Variants in ANXA7 observed in about 807,000 individuals in gnomAD.
ANXA7 encodes annexin A7, also known as annexin VII.
ANXA7 carries 55 observed loss-of-function variants against 64.9 expected under a neutral mutation model. The ratio of observed to expected loss-of-function variants is 0.85; its 90% CI spans 0.68 to 1.06. ANXA7 has a LOEUF of 1.06. ANXA7 is among the 50% of genes least tolerant of loss of function. The probability of loss-of-function intolerance (pLI) is 0.00; values close to 1 mark genes in which losing one functional copy is unlikely to be tolerated. For missense variants in ANXA7, 548 were observed against 582.1 expected (o/e 0.94, Z 0.60); for synonymous variants, 200 against 192.4 (o/e 1.04, Z -0.33).
At chr10:73,384,053 A>G (rs2055318895) in intron 7 of ANXA7, among the ~76,000 whole-genome samples, 1 of 151,962 alleles carries the variant, frequency 6.6e-6, no homozygotes, top group South Asian at 2.1e-4. Context: ...CCTGGGAGGC[A>G]GAGCTTGCAG....
In ANXA7 at chr10:73,378,919, G is replaced by C. The variant is rs762558430; in HGVS notation, c.1270C>G (p.Arg424Gly). The change falls in exon 12 of 13, where the codon CGA becomes GGA. Residue 424 changes from arginine to glycine, a missense_variant. Physicochemically the swap from Arg to Gly is moderately radical, Grantham distance 125. Transcript: ENST00000372921. ...AGAGAGGCCTGCCTCACCTCACTTC[G>C]AGTGACCACAATCCGGACCAGGGTG... ...DSTLVRIVVTRSEIDLVQIKQ... is the reference protein window; with the variant it reads ...DSTLVRIVVTGSEIDLVQIKQ... The C allele has an allele frequency of 1.2e-6, 2 of 1,612,200 alleles. No homozygotes were observed. Among genetic ancestry groups the C allele is most frequent in the East Asian group, 2.2e-5 (1 of 44,816 alleles).
In ANXA7 at chr10:73,383,117, A is replaced by G. The variant is rs1330875290; in HGVS notation, c.918+58T>C. 3 of 1,479,608 alleles carry G rather than the reference A, an allele frequency of 2.0e-6. No individual in the cohort carries two copies. The East Asian group carries it at 7.0e-5, about 34-fold the overall frequency. The allele number at this position is 1,479,608 out of a possible 1,614,324, so 91.7% of individuals were successfully genotyped here. On this transcript the variant is annotated intron_variant, in intron 9 of 12. Transcript: ENST00000372921. ...AAAGGAATAAAGAATGCTCACTGGC[A>G]AAAGGCTTTTAAAGTATGTTCCCTC...
At chr10:73,389,408 C>T (rs2055430934) in intron 5 of ANXA7, among the ~76,000 whole-genome samples, 1 of 152,098 alleles carries the variant, frequency 6.6e-6, no homozygotes, top group Non-Finnish European at 1.5e-5. Context: ...ACTGGTGAAA[C>T]TGAAATAAGG....
rs778139210 is a variant in ANXA7 at position 73,379,921 on chromosome 10, G to A, written c.1123C>T (p.Arg375Cys). The change falls in exon 11 of 13, where the codon CGT (arginine) becomes TGT (cysteine). Residue 375 changes from arginine (R) to cysteine (C), a missense_variant. By Grantham distance (180) the Arg-to-Cys change is radical. Coordinates refer to ENST00000372921, the MANE Select transcript of ANXA7 (RefSeq NM_001156.5). The part of the protein sequence containing the change: ...ANRDLLSSVS[R>C]EFSGYVESGL... ...CTTTCTACATATCCGGAAAACTCAC[G>A]GCTCACACTGCTTAACAAGTCTCGA... is the stretch of plus-strand genomic sequence containing the variant. The A allele has an allele frequency of 2.2e-5, 36 of 1,613,958 alleles. No homozygotes were observed. The highest frequency in any genetic ancestry group is 4.4e-5 in the South Asian group (4 of 91,082).
chr10:73,383,479 G>T (rs969923379), intron 8 of ANXA7, 98 bp downstream of exon 8: 12 of 1,249,168 alleles, frequency 9.6e-6, no homozygotes, highest in Non-Finnish European at 1.4e-5. Flanking sequence ...ATAAAGAATT[G>T]CTTTAATTAC....
At chr10:73,392,843 T>G (rs962362847) in intron 5 of ANXA7, among the ~76,000 whole-genome samples, 21 of 152,154 alleles carry the variant, frequency 1.4e-4, no homozygotes, top group Admixed American at 3.3e-4. Context: ...TGTTGGAAGT[T>G]CTGGCCAGGG....
chr10:73,392,314 A>G (rs1476955302), intron 5 of ANXA7, among the ~76,000 whole-genome samples: 7 of 152,206 alleles, frequency 4.6e-5, no homozygotes, highest in African/African-American at 1.7e-4. Flanking sequence ...TATTCCAATC[A>G]ATAGAAAGAG....
In ANXA7 at chr10:73,378,983, C is replaced by A. The variant is rs550009515; in HGVS notation, c.1206G>T (p.Arg402Ser). The A allele has an allele frequency of 6.2e-7, 1 of 1,613,354 alleles. No individual in the cohort carries two copies. Among genetic ancestry groups the A allele is most frequent in the South Asian group, 1.1e-5 (1 of 90,910 alleles). The change falls in exon 12 of 13, where the codon AGG (arginine) becomes AGT (serine). Residue 402 changes from arginine to serine, a missense_variant. Transcript: ENST00000372921. ...CAGCACCTTTCATAGCATAGTAGAG[C>A]CTCTCAGCAAAGAAGGCAGGGCGGT... ...ALNRPAFFAE[R>S]LYYAMKGAGT...
intron 7 of ANXA7, among the ~76,000 whole-genome samples, chr10:73,384,418 T>C (rs1223715733): frequency 6.6e-6 from 1 of 152,196 alleles, no homozygotes; most frequent in Non-Finnish European, 1.5e-5. Context: ...GTTATTTTTT[T>C]TGAGACAGAG....
Position 73,390,721 on chromosome 10 carries a change from A to AT in ANXA7, c.436-2308_436-2307insA, listed in dbSNP as rs1564526498. Among the ~76,000 whole-genome samples the AT allele has an allele frequency of 4.6e-3, 495 of 107,712 alleles. 5 individuals are homozygous for AT. Among genetic ancestry groups the AT allele is most frequent in the East Asian group, 0.037 (88 of 2,394 alleles). The allele number at this position is 107,712 out of a possible 152,430, so 70.7% of individuals were successfully genotyped here. On this transcript the variant is annotated intron_variant, in intron 5 of 12. Coordinates refer to ENST00000372921, the MANE Select transcript of ANXA7 (RefSeq NM_001156.5). ...ATATATATATATATATATATATATA[A>AT]AAATATATATATACACACACACACA...
rs552035180 is a variant in ANXA7 at position 73,383,569 on chromosome 10, A to AG, written c.747+7dup. 1.9e-6 allele frequency: 3 copies of AG among 1,578,060 alleles called. No individual in the cohort carries two copies. The highest frequency in any genetic ancestry group is 2.6e-6 in the Non-Finnish European group (3 of 1,147,656). ...AAAATATTCATAATAAATGACATAT[A>AG]GTAGTACCTGCATTGCTTTCCGTAA... is the stretch of plus-strand genomic sequence containing the variant. On this transcript the variant is annotated splice_region_variant and intron_variant, in intron 8 of 12. Coordinates refer to ENST00000372921, the MANE Select transcript of ANXA7 (RefSeq NM_001156.5).
At chr10:73,401,234 A>G (rs2055658791) in intron 1 of ANXA7, among the ~76,000 whole-genome samples, 2 of 146,556 alleles carry the variant, frequency 1.4e-5, no homozygotes. Flanking sequence ...AAGGCCTTTG[A>G]AAACATACAG....
chr10:73,389,019 T>C (rs1277183861), intron 5 of ANXA7, among the ~76,000 whole-genome samples: 2 of 152,224 alleles, frequency 1.3e-5, no homozygotes, highest in Admixed American at 6.5e-5. Flanking sequence ...AGAAACAGGA[T>C]ATTTGTATAA....
chr10:73,389,100 T>C (rs539823677), intron 5 of ANXA7, among the ~76,000 whole-genome samples: 50 of 152,260 alleles, frequency 3.3e-4, no homozygotes, highest in African/African-American at 1.2e-3. Flanking sequence ...TCACCAGTAA[T>C]GGAATAAGTC....
At chr10:73,393,126 A>C (rs1012825742) in intron 5 of ANXA7, among the ~76,000 whole-genome samples, 20 of 152,266 alleles carry the variant, frequency 1.3e-4, no homozygotes, top group Non-Finnish European at 2.1e-4. Context: ...AATAAAATAC[A>C]TAGGAAGCCA....
intron 1 of ANXA7, among the ~76,000 whole-genome samples, chr10:73,403,053 G>C (rs1389689714): frequency 6.6e-6 from 1 of 152,126 alleles, no homozygotes; most frequent in Non-Finnish European, 1.5e-5. Flanking sequence ...TTGAACTACT[G>C]ACCTGGTGAT....
chr10:73,377,930 T>TGTGTGTGTGTGTGTGTGTGTGCGC lies in ANXA7; in HGVS notation c.1278+980_1278+981insGCGCACACACACACACACACACAC, dbSNP rs542289005. 2.1e-4 allele frequency among the ~76,000 whole-genome samples: 30 copies of TGTGTGTGTGTGTGTGTGTGTGCGC among 142,498 alleles called. 1 individual carries two copies. The highest frequency in any genetic ancestry group is 7.6e-4 in the African/African-American group (27 of 35,404). 93.5% of individuals were successfully genotyped at this position (142,498 alleles called of 152,430 possible). A position where few individuals can be genotyped will look rare whatever the true frequency, so the allele number is the denominator to read the frequency against. ...GTGTGTGTGTGTGTGTGTGTGTGTGTGCGCGCGCGTGTGTTTTTTGTAGAA... is the reference window on the plus strand; with the variant it reads ...GTGTGTGTGTGTGTGTGTGTGTGTGTGTGTGTGTGTGTGTGTGTGTGCGCGCGCGCGCGTGTGTTTTTTGTAGAA... On this transcript the variant is annotated intron_variant, in intron 12 of 12. Transcript: ENST00000372921.
chr10:73,398,468 T>C, intron 2 of ANXA7, 83 bp from the exon 3 acceptor site: 2 of 1,241,966 alleles, frequency 1.6e-6, no homozygotes, highest in Admixed American at 2.3e-5. Flanking sequence ...ACAGAGGTTA[T>C]TATTAAGGTC....
intron 1 of ANXA7, among the ~76,000 whole-genome samples, chr10:73,413,386 C>T (rs977178713): frequency 5.3e-5 from 8 of 152,184 alleles, no homozygotes; most frequent in African/African-American, 1.9e-4. Context: ...TTACGGTGGA[C>T]ATCAGCCATC....
Sources: gnomAD v4.1 joint callset for allele counts (sites outside exome capture counted in the v4.1 genomes callset) on GRCh38, gnomAD v4.1.1 for gene constraint, MANE v1.5 for transcripts, NCBI Gene and HGNC (gene_info 2026-07-23, HGNC 2026-07-21) for gene names.